SI: variants seen among roughly 807,000 people sequenced by gnomAD.
The protein encoded by SI is sucrase-isomaltase, intestinal.
In SI, 235 loss-of-function variants were observed where a neutral mutation model predicts 253.3. The ratio of observed to expected loss-of-function variants is 0.93; its 90% CI spans 0.83 to 1.03. The LOEUF is 1.03. SI is among the 50% of genes least tolerant of loss of function. SI has a pLI of 0.00. For missense variants in SI, 2,442 were observed against 2,211.1 expected, an observed-to-expected ratio of 1.10 and a Z score of -2.09; for synonymous variants, 819 against 712.0, an observed-to-expected ratio of 1.15 and a Z score of -2.39.
At chr3:164,995,059 A>T (rs1717948194) in intron 40 of SI, among the ~76,000 whole-genome samples, 1 of 151,768 alleles carries the variant, frequency 6.6e-6, no homozygotes, top group Non-Finnish European at 1.5e-5. Context: ...AAAAGTTATT[A>T]CTATTTTGTA....
chr3:165,047,989 T>A (rs1290009211), intron 15 of SI, among the ~76,000 whole-genome samples: 1 of 152,062 alleles, frequency 6.6e-6, no homozygotes, highest in Non-Finnish European at 1.5e-5. Flanking sequence ...CATGTTATAA[T>A]CTTTATTATA....
intron 44 of SI, among the ~76,000 whole-genome samples, chr3:164,988,444 A>G (rs1359385548): frequency 6.6e-6 from 1 of 152,170 alleles, no homozygotes; most frequent in Non-Finnish European, 1.5e-5. Context: ...ACAACTTTCT[A>G]TACTGTACAA....
chr3:164,988,763 G>T (rs1373212665), intron 44 of SI, among the ~76,000 whole-genome samples: 2 of 152,132 alleles, frequency 1.3e-5, no homozygotes, highest in Admixed American at 6.5e-5. Context: ...TGGAAATAAA[G>T]ACTGTGACAG....
intron 47 of SI, among the ~76,000 whole-genome samples, chr3:164,980,859 G>A (rs867325854): frequency 1.1e-4 from 16 of 151,750 alleles, no homozygotes; most frequent in African/African-American, 2.7e-4. Flanking sequence ...CTTAATTTTC[G>A]CCATTGTAAT....
intron 37 of SI, among the ~76,000 whole-genome samples, chr3:165,000,315 A>C (rs1718199834): frequency 6.6e-6 from 1 of 151,366 alleles, no homozygotes; most frequent in South Asian, 2.1e-4. Context: ...GTTGATAAGG[A>C]TTCTACATAA....
intron 2 of SI, 57 bp from the exon 3 acceptor site, chr3:165,074,724 A>T (rs757528896): frequency 1.4e-6 from 2 of 1,385,270 alleles, no homozygotes; most frequent in South Asian, 2.3e-5. Context: ...ATTTTCTCAG[A>T]ATTATCAAGT....
intron 13 of SI, 98 bp downstream of exon 13, chr3:165,055,096 A>C: frequency 1.3e-6 from 1 of 747,826 alleles, no homozygotes; most frequent in South Asian, 1.5e-5. Flanking sequence ...TTTACATTGA[A>C]TACATCAGAA....
intron 14 of SI, 62 bp downstream of exon 14, chr3:165,049,729 A>G (rs1713331731): frequency 2.2e-6 from 2 of 908,144 alleles, no homozygotes; most frequent in Non-Finnish European, 1.8e-6. Context: ...GTTAGAAATT[A>G]CTAGTCAACT....
rs775306732 is a variant in SI, at chr3:165,036,361, A to T, written c.2515+28T>A. The stretch of plus-strand genomic sequence containing the variant: ...AAAACTTCCCATTATCAGAGTGAAC[A>T]TTTAAAGCGTATTACTTTCAGACTT... On this transcript the variant is annotated intron_variant, in intron 22 of 47. Transcript: ENST00000264382. The T allele has an allele frequency of 1.1e-5, 16 of 1,481,760 alleles. No individual in the cohort carries two copies. The African/African-American group carries it at 1.9e-4, about 18-fold the overall frequency. The allele number at this position is 1,481,760 out of a possible 1,614,324, so 91.8% of individuals were successfully genotyped here.
Position 164,978,954 on chromosome 3 carries a change from T to G in SI, c.*408A>C, listed in dbSNP as rs1350454544. 1 of 152,872 alleles carries G rather than the reference T, an allele frequency of 6.5e-6. No individual in the cohort carries two copies. Among genetic ancestry groups the G allele is most frequent in the Admixed American group, 6.5e-5 (1 of 15,292 alleles). The allele number at this position is 152,872 out of a possible 1,614,324, so 9.5% of individuals were successfully genotyped here. A position where few individuals can be genotyped will look rare whatever the true frequency, so the allele number is the denominator to read the frequency against. On this transcript the variant is annotated 3_prime_UTR_variant, in exon 48 of 48. Coordinates refer to ENST00000264382, the MANE Select transcript of SI (RefSeq NM_001041.4). ...TTAAATGCACATACTAAGAAGTAAT[T>G]AAATCTTCAAATAATTGTTGTTACA... is the stretch of plus-strand genomic sequence containing the variant.
At chr3:165,084,345 A>G in the SI span, among the ~76,000 whole-genome samples, 1 of 152,162 alleles carries the variant, frequency 6.6e-6, no homozygotes, top group African/African-American at 2.4e-5. Context: ...AGAAACCCAG[A>G]CAGACTAAGA....
chr3:165,040,186 G>A (rs1712746981), intron 18 of SI, among the ~76,000 whole-genome samples: 1 of 151,066 alleles, frequency 6.6e-6, no homozygotes, highest in Non-Finnish European at 1.5e-5. Context: ...AAGAAGGGGG[G>A]AGTAGAAGAG....
chr3:165,019,826 A>G, intron 27 of SI, 56 bp from the exon 28 acceptor site: 1 of 1,382,802 alleles, frequency 7.2e-7, no homozygotes. Flanking sequence ...AAGTAGTATC[A>G]CAAATAATAA....
At position 165,072,321 on chromosome 3, in the gene SI, C is replaced by T. The variant is rs374089394; in HGVS notation, c.255+2210G>A. 9.1e-4 allele frequency among the ~76,000 whole-genome samples: 138 copies of T among 151,442 alleles called. 1 individual carries two copies. In the Middle Eastern group the frequency reaches 0.01, roughly 11 times the overall value. On this transcript the variant is annotated intron_variant, in intron 3 of 47. Transcript: ENST00000264382. ...TGATAAATAATTGCTTTAGTTGATC[C>T]GTTAAGATGGTGGAAAATTAACATT... is the stretch of plus-strand genomic sequence containing the variant.
chr3:165,077,649 T>C (rs1350645174), intron 1 of SI, among the ~76,000 whole-genome samples: 1 of 151,654 alleles, frequency 6.6e-6, no homozygotes, highest in Non-Finnish European at 1.5e-5. Flanking sequence ...TGCGTGATGT[T>C]ATGTTGAGAA....
In SI at chr3:165,075,886, A is replaced by C. The variant is rs375001018; in HGVS notation, c.118+9T>G. 1 of 1,431,552 alleles carries C rather than the reference A, an allele frequency of 7.0e-7. No homozygotes were observed. Among genetic ancestry groups the C allele is most frequent in the South Asian group, 1.1e-5 (1 of 87,160 alleles). The allele number at this position is 1,431,552 out of a possible 1,614,324, so 88.7% of individuals were successfully genotyped here. A position where few individuals can be genotyped will look rare whatever the true frequency, so the allele number is the denominator to read the frequency against. ...GATAATGTAGCCATGCTTTTAATGTACTACTTACCATCAACAGCAGGTGTC... is the reference window on the plus strand; with the variant it reads ...GATAATGTAGCCATGCTTTTAATGTCCTACTTACCATCAACAGCAGGTGTC... On this transcript the variant is annotated intron_variant, in intron 2 of 47. Coordinates refer to ENST00000264382, the MANE Select transcript of SI (RefSeq NM_001041.4).
At chr3:165,015,504 T>A (rs575136992) in intron 32 of SI, among the ~76,000 whole-genome samples, 2 of 152,214 alleles carry the variant, frequency 1.3e-5, no homozygotes, top group Admixed American at 1.3e-4. Context: ...TGGTGAGATA[T>A]CTGGCTAACT....
At chr3:165,022,540 C>CACAT (rs1383630674) in intron 26 of SI, among the ~76,000 whole-genome samples, 14 of 129,042 alleles carry the variant, frequency 1.1e-4, no homozygotes, top group Non-Finnish European at 2.2e-4. Flanking sequence ...CCATCTCACA[C>CACAT]ACACACACAC....
intron 25 of SI, among the ~76,000 whole-genome samples, chr3:165,027,405 C>T (rs559875567): frequency 3.3e-5 from 5 of 151,086 alleles, no homozygotes; most frequent in East Asian, 3.9e-4. Flanking sequence ...AATCTATTGA[C>T]GTTATTCCAC....
Sources: gnomAD v4.1 joint callset for allele counts (sites outside exome capture counted in the v4.1 genomes callset) on GRCh38, gnomAD v4.1.1 for gene constraint, MANE v1.5 for transcripts, NCBI Gene and HGNC (gene_info 2026-07-23, HGNC 2026-07-21) for gene names.